Variants in CADM1 observed in about 807,000 individuals in gnomAD.
The protein encoded by CADM1 is TSLC-1.
A neutral mutation model predicts 53.1 loss-of-function variants in CADM1; 15 were observed. The observed-to-expected ratio is 0.28, with a 90% confidence interval of 0.19 to 0.44. The LOEUF (loss-of-function observed/expected upper bound fraction) is 0.44, where lower values mean the gene tolerates loss of function less well. Ranked by LOEUF, CADM1 falls within the 20% of genes least tolerant of loss-of-function variation. The pLI is 1.00. For missense variants in CADM1, 434 were observed against 611.3 expected, an observed-to-expected ratio of 0.71 and a Z score of 3.06; for synonymous variants, 281 against 243.0, an observed-to-expected ratio of 1.16 and a Z score of -1.45.
At chr11:115,371,220 A>G (rs1946298432) in intron 1 of CADM1, among the ~76,000 whole-genome samples, 1 of 152,166 alleles carries the variant, frequency 6.6e-6, no homozygotes, top group Non-Finnish European at 1.5e-5. Context: ...AAATTGAATA[A>G]ACAATAATAA....
At chr11:115,221,331 C>A (rs1941397414) in intron 5 of CADM1, among the ~76,000 whole-genome samples, 1 of 151,900 alleles carries the variant, frequency 6.6e-6, no homozygotes, top group South Asian at 2.1e-4. Flanking sequence ...TTTTTTAAAC[C>A]CTGTAAAAGA....
At chr11:115,463,760 C>T (rs958556263) in intron 1 of CADM1, among the ~76,000 whole-genome samples, 1 of 151,648 alleles carries the variant, frequency 6.6e-6, no homozygotes, top group Non-Finnish European at 1.5e-5. Context: ...AGTGTTTTAA[C>T]GCTCCCAACC....
chr11:115,304,737 AAATATT>A, intron 1 of CADM1, among the ~76,000 whole-genome samples: 1 of 152,176 alleles, frequency 6.6e-6, no homozygotes, highest in Middle Eastern at 3.4e-3. Flanking sequence ...ATACGCTTAT[AAATATT>A]AATAACATAA....
intron 3 of CADM1, among the ~76,000 whole-genome samples, chr11:115,237,134 T>C (rs1047380595): frequency 6.6e-6 from 1 of 152,106 alleles, no homozygotes; most frequent in Non-Finnish European, 1.5e-5. Context: ...CATTTTCAAA[T>C]ACTCTGATAC....
chr11:115,174,605 A>G lies in CADM1; in HGVS notation c.*1869T>C, dbSNP rs1938934310. The stretch of plus-strand genomic sequence containing the variant: ...AGGTTAAAATAAAGACAAGAAAAAT[A>G]AACATGTTTTCAAATAACAAAGAGT... On this transcript the variant is annotated 3_prime_UTR_variant, in exon 12 of 12. Coordinates refer to ENST00000331581, the MANE Select transcript of CADM1 (RefSeq NM_001301043.2). 3 of 984,606 alleles carry G rather than the reference A, an allele frequency of 3.0e-6. No individual in the cohort carries two copies. The highest frequency in any genetic ancestry group is 1.7e-5 in the African/African-American group (1 of 57,216). 61.0% of individuals were successfully genotyped at this position (984,606 alleles called of 1,614,324 possible).
chr11:115,375,861 C>T (rs967477854), intron 1 of CADM1, among the ~76,000 whole-genome samples: 2 of 152,048 alleles, frequency 1.3e-5, no homozygotes, highest in Non-Finnish European at 2.9e-5. Flanking sequence ...TATAAATACT[C>T]AACTTACAAT....
At chr11:115,268,635 C>A (rs968380232) in intron 1 of CADM1, among the ~76,000 whole-genome samples, 1 of 152,206 alleles carries the variant, frequency 6.6e-6, no homozygotes, top group East Asian at 1.9e-4. Flanking sequence ...GCACTGCCTC[C>A]ATTTATTGCC....
chr11:115,215,545 T>C (rs1177186474), intron 6 of CADM1, among the ~76,000 whole-genome samples: 1 of 152,172 alleles, frequency 6.6e-6, no homozygotes, highest in Non-Finnish European at 1.5e-5. Context: ...CTAATCACCA[T>C]GGCATGCATT....
chr11:115,251,913 C>T (rs1015052341), intron 1 of CADM1, among the ~76,000 whole-genome samples: 4 of 152,208 alleles, frequency 2.6e-5, no homozygotes, highest in African/African-American at 9.7e-5. Flanking sequence ...CTTATGCCTG[C>T]TGACTCCCCA....
intron 7 of CADM1, among the ~76,000 whole-genome samples, chr11:115,211,519 G>A (rs185277163): frequency 2.7e-3 from 313 of 114,834 alleles, no homozygotes; most frequent in African/African-American, 9.4e-3. Context: ...TTGCTTTGTC[G>A]CCCAGGCTGG....
intron 11 of CADM1, among the ~76,000 whole-genome samples, chr11:115,178,189 T>C (rs1267353374): frequency 1.3e-5 from 2 of 152,172 alleles, no homozygotes; most frequent in Non-Finnish European, 2.9e-5. Flanking sequence ...ACCAAGGCAG[T>C]CTTCTCGCCA....
chr11:115,274,789 G>A (rs992385184), intron 1 of CADM1, among the ~76,000 whole-genome samples: 1 of 152,084 alleles, frequency 6.6e-6, no homozygotes, highest in Non-Finnish European at 1.5e-5. Flanking sequence ...TGGGTGGGGT[G>A]GCAGCCCAGG....
chr11:115,356,662 A>G (rs1270482304), intron 1 of CADM1, among the ~76,000 whole-genome samples: 1 of 152,202 alleles, frequency 6.6e-6, no homozygotes, highest in Non-Finnish European at 1.5e-5. Flanking sequence ...TCAACAGGGA[A>G]AACAGCAGTC....
intron 1 of CADM1, among the ~76,000 whole-genome samples, chr11:115,320,155 T>C (rs72996042): frequency 0.13 from 19,496 of 152,148 alleles, 1,362 homozygotes; most frequent in Admixed American, 0.17. Context: ...CCTAAAATCC[T>C]GGCCTCAGGC....
intron 1 of CADM1, among the ~76,000 whole-genome samples, chr11:115,281,265 G>A (rs1943576540): frequency 6.6e-6 from 1 of 152,182 alleles, no homozygotes; most frequent in African/African-American, 2.4e-5. Context: ...TAGGAGGCAG[G>A]CTCTTTTGTA....
intron 1 of CADM1, among the ~76,000 whole-genome samples, chr11:115,373,227 T>G (rs1032331296): frequency 6.6e-6 from 1 of 152,148 alleles, no homozygotes; most frequent in African/African-American, 2.4e-5. Context: ...TACTGTCAGA[T>G]GCACAGACCA....
chr11:115,294,943 G>A (rs548815930), intron 1 of CADM1, among the ~76,000 whole-genome samples: 90 of 152,282 alleles, frequency 5.9e-4, no homozygotes, highest in South Asian at 2.3e-3. Context: ...GGAGGCTGAG[G>A]CAGGAGAATT....
Position 115,171,390 on chromosome 11 carries a change from A to T in CADM1, c.*5084T>A, listed in dbSNP as rs576190910. 23 of 152,324 alleles carry T rather than the reference A, an allele frequency of 1.5e-4. No individual in the cohort carries two copies. Among genetic ancestry groups the T allele is most frequent in the African/African-American group, 5.1e-4 (21 of 41,558 alleles). The allele number at this position is 152,324 out of a possible 1,614,324, so 9.4% of individuals were successfully genotyped here. On this transcript the variant is annotated 3_prime_UTR_variant, in exon 12 of 12. Coordinates refer to ENST00000331581, the MANE Select transcript of CADM1 (RefSeq NM_001301043.2). Reference sequence around the variant, plus strand: ...CCATGGAGCAAGTCCACAGCGGTAAAAGAATTACATTTCAGGTAGACAGAG... The same window carrying T: ...CCATGGAGCAAGTCCACAGCGGTAATAGAATTACATTTCAGGTAGACAGAG...
At chr11:115,390,563 G>A (rs751815013) in intron 1 of CADM1, among the ~76,000 whole-genome samples, 1 of 151,402 alleles carries the variant, frequency 6.6e-6, no homozygotes, top group African/African-American at 2.4e-5. Flanking sequence ...ACAATGATCA[G>A]ATGTAAGTGT....
Sources: gnomAD v4.1 joint callset for allele counts (sites outside exome capture counted in the v4.1 genomes callset) on GRCh38, gnomAD v4.1.1 for gene constraint, MANE v1.5 for transcripts, NCBI Gene and HGNC (gene_info 2026-07-23, HGNC 2026-07-21) for gene names.